The following PITPNC1 variants were observed in gnomAD, a reference collection of about 807,000 sequenced individuals.
The protein encoded by PITPNC1 is phosphatidylinositol transfer protein cytoplasmic 1, also known as cytoplasmic phosphatidylinositol transfer protein 1.
PITPNC1 carries 18 observed loss-of-function variants against 44.7 expected under a neutral mutation model. The observed-to-expected ratio is 0.40, with a 90% CI of 0.28 to 0.60. The LOEUF is 0.60. Ranked by LOEUF, PITPNC1 falls within the 20% of genes least tolerant of loss-of-function variation. The probability of loss-of-function intolerance (pLI) is 0.39; values close to 1 mark genes in which losing one functional copy is unlikely to be tolerated. For synonymous variants in PITPNC1, 141 were observed against 149.6 expected, an observed-to-expected ratio of 0.94 and a Z score of 0.42; for missense variants, 290 against 418.4, an observed-to-expected ratio of 0.69 and a Z score of 2.68.
At chr17:67,426,606 T>C (rs533961469) in intron 1 of PITPNC1, among the ~76,000 whole-genome samples, 1 of 142,596 alleles carries the variant, frequency 7.0e-6, no homozygotes, top group South Asian at 2.3e-4. Context: ...CGGGGCCTGT[T>C]GGAGGGTGGG....
At chr17:67,598,092 C>A (rs1024952488) in intron 5 of PITPNC1, among the ~76,000 whole-genome samples, 3 of 151,924 alleles carry the variant, frequency 2.0e-5, no homozygotes, top group African/African-American at 7.3e-5. Context: ...AGTAGTGGTG[C>A]GTGCCCGTAA....
intron 4 of PITPNC1, 33 bp downstream of exon 4, chr17:67,553,650 G>A: frequency 1.0e-6 from 1 of 981,574 alleles, no homozygotes; most frequent in Admixed American, 2.7e-5. Flanking sequence ...TAAACATTCT[G>A]TCTATGATCA....
At chr17:67,442,236 T>TATATATAC (rs2039024243) in intron 1 of PITPNC1, among the ~76,000 whole-genome samples, 1 of 123,780 alleles carries the variant, frequency 8.1e-6, no homozygotes, top group Non-Finnish European at 1.7e-5. Flanking sequence ...TATATATATA[T>TATATATAC]ATATATATAT....
chr17:67,655,964 G>C (rs917203219), intron 6 of PITPNC1, among the ~76,000 whole-genome samples: 18 of 152,278 alleles, frequency 1.2e-4, no homozygotes, highest in Middle Eastern at 3.4e-3. Context: ...ATGTGAATTG[G>C]GGGAGGGGCA....
At chr17:67,396,559 G>A (rs1463702735) in intron 1 of PITPNC1, among the ~76,000 whole-genome samples, 1 of 151,890 alleles carries the variant, frequency 6.6e-6, no homozygotes, top group African/African-American at 2.4e-5. Context: ...TAGTAGGGAC[G>A]GGGTTTCATC....
intron 4 of PITPNC1, among the ~76,000 whole-genome samples, chr17:67,571,246 C>T (rs1478753859): frequency 6.6e-6 from 1 of 152,088 alleles, no homozygotes; most frequent in African/African-American, 2.4e-5. Context: ...ACCTGGGCAA[C>T]ACAGTGAGAG....
At chr17:67,510,307 T>C (rs2040166805) in intron 1 of PITPNC1, among the ~76,000 whole-genome samples, 1 of 152,230 alleles carries the variant, frequency 6.6e-6, no homozygotes, top group Non-Finnish European at 1.5e-5. Flanking sequence ...CCCCTCTGGC[T>C]TCTTTGGCCA....
chr17:67,385,741 G>T (rs1010493360), intron 1 of PITPNC1, among the ~76,000 whole-genome samples: 2 of 39,006 alleles, frequency 5.1e-5, no homozygotes, highest in African/African-American at 1.8e-4. Flanking sequence ...GTCTGGCAAA[G>T]CTCCGGTTTT....
intron 4 of PITPNC1, among the ~76,000 whole-genome samples, chr17:67,572,472 G>GC (rs200419796): frequency 0.012 from 1,452 of 116,642 alleles, 49 homozygotes; most frequent in Middle Eastern, 0.042. Context: ...GTAAAGCGGG[G>GC]GGGGGGGGTA....
intron 4 of PITPNC1, among the ~76,000 whole-genome samples, chr17:67,571,564 A>G (rs1159416025): frequency 4.6e-5 from 7 of 152,220 alleles, no homozygotes; most frequent in Non-Finnish European, 7.3e-5. Flanking sequence ...CAAGGCATCA[A>G]CCAAGGTTCT....
intron 1 of PITPNC1, among the ~76,000 whole-genome samples, chr17:67,475,274 A>G (rs908458905): frequency 6.6e-6 from 1 of 152,126 alleles, no homozygotes; most frequent in Admixed American, 6.5e-5. Flanking sequence ...GATTGTTATC[A>G]CAGTTGGGGA....
At chr17:67,475,890 T>C (rs967821620) in intron 1 of PITPNC1, among the ~76,000 whole-genome samples, 2 of 152,110 alleles carry the variant, frequency 1.3e-5, no homozygotes, top group Non-Finnish European at 2.9e-5. Flanking sequence ...GTTAAGGCAT[T>C]GGGCTGTGGG....
intron 8 of PITPNC1, among the ~76,000 whole-genome samples, chr17:67,690,498 A>G (rs1046946294): frequency 6.6e-6 from 1 of 151,780 alleles, no homozygotes; most frequent in African/African-American, 2.4e-5. Context: ...ATACTGTGTT[A>G]TGAATATTCA....
At chr17:67,590,181 T>A (rs1341730049) in intron 5 of PITPNC1, among the ~76,000 whole-genome samples, 1 of 151,984 alleles carries the variant, frequency 6.6e-6, no homozygotes, top group Non-Finnish European at 1.5e-5. Flanking sequence ...TGAAACCAAA[T>A]CAACAGGGAT....
intron 1 of PITPNC1, among the ~76,000 whole-genome samples, chr17:67,494,387 A>T (rs138824914): frequency 0.011 from 1,679 of 151,720 alleles, 34 homozygotes; most frequent in African/African-American, 0.039. Context: ...TTTAATAGAG[A>T]CAGGGTTTCA....
At chr17:67,611,800 A>ATGAGCCTGT (rs1438058198) in intron 5 of PITPNC1, 2 of 152,320 alleles carry the variant, frequency 1.3e-5, no homozygotes, top group East Asian at 3.9e-4. Context: ...AAAAATCACA[A>ATGAGCCTGT]TGAGCCTGTT....
rs539284558 is a variant in PITPNC1 at position 67,666,014 on chromosome 17, T to A, written c.463-3494T>A. ...CATCACCATGCCCAGCTCATTTTTT[T>A]ATATTTTTAGTAGAGACGGGCTTTT... On this transcript the variant is annotated intron_variant, in intron 6 of 8. Coordinates refer to ENST00000581322, the MANE Select transcript of PITPNC1 (RefSeq NM_012417.4). 1.6e-4 allele frequency among the ~76,000 whole-genome samples: 24 copies of A among 152,256 alleles called. 1 individual carries two copies. The East Asian group carries it at 4.4e-3, about 28-fold the overall frequency.
intron 5 of PITPNC1, among the ~76,000 whole-genome samples, chr17:67,606,170 C>T (rs879726241): frequency 2.0e-5 from 3 of 152,144 alleles, no homozygotes; most frequent in South Asian, 4.2e-4. Context: ...GGAATTATTT[C>T]GTAGTTTGGT....
At chr17:67,485,236 C>T (rs747921250) in intron 1 of PITPNC1, among the ~76,000 whole-genome samples, 1 of 151,780 alleles carries the variant, frequency 6.6e-6, no homozygotes, top group Non-Finnish European at 1.5e-5. Flanking sequence ...ACCATGAGCG[C>T]AGTGGGAAAA....
Sources: gnomAD v4.1 joint callset for allele counts (sites outside exome capture counted in the v4.1 genomes callset) on GRCh38, gnomAD v4.1.1 for gene constraint, MANE v1.5 for transcripts, NCBI Gene and HGNC (gene_info 2026-07-23, HGNC 2026-07-21) for gene names.